The following TC2N variants were observed in gnomAD, a reference collection of about 807,000 sequenced individuals.
TC2N encodes tandem C2 domains nuclear protein.
A neutral mutation model predicts 61.9 loss-of-function variants in TC2N; 51 were observed. The ratio of observed to expected loss-of-function variants is 0.82; its 90% CI spans 0.66 to 1.04. The LOEUF (loss-of-function observed/expected upper bound fraction) is 1.04. Ranked by LOEUF, TC2N falls within the 50% of genes least tolerant of loss-of-function variation. The pLI is 0.00. For synonymous variants in TC2N, 204 were observed against 192.6 expected (o/e 1.06, Z -0.49); for missense variants, 556 against 566.7 (o/e 0.98, Z 0.19).
chr14:91,783,062 G>T lies in TC2N; in HGVS notation c.*38C>A. On this transcript the variant is annotated 3_prime_UTR_variant, in exon 12 of 12. Transcript: ENST00000435962. The stretch of plus-strand genomic sequence containing the variant: ...AATTGAAATCATAAGTCTTCTAAAA[G>T]AATGTCAAGTTCTTCACCAAATTAA... 1 of 1,307,920 alleles carries T rather than the reference G, an allele frequency of 7.6e-7. No individual in the cohort carries two copies. The highest frequency in any genetic ancestry group is 1.1e-6 in the Non-Finnish European group (1 of 909,402). The allele number at this position is 1,307,920 out of a possible 1,614,324, so 81.0% of individuals were successfully genotyped here. A position where few individuals can be genotyped will look rare whatever the true frequency, so the allele number is the denominator to read the frequency against.
At chr14:91,784,487 G>A (rs1347033447) in intron 11 of TC2N, among the ~76,000 whole-genome samples, 5 of 152,086 alleles carry the variant, frequency 3.3e-5, no homozygotes, top group Non-Finnish European at 7.4e-5. Context: ...ATCTTGTCAA[G>A]TTGAAGCTTT....
chr14:91,850,049 CAAA>C (rs34245812), intron 1 of TC2N, among the ~76,000 whole-genome samples: 5,578 of 118,132 alleles, frequency 0.047, 313 homozygotes, highest in African/African-American at 0.14. Context: ...AACTCCATCT[CAAA>C]AAAAAAAAAA....
chr14:91,805,370 A>G (rs1886461046), intron 3 of TC2N, among the ~76,000 whole-genome samples: 1 of 152,252 alleles, frequency 6.6e-6, no homozygotes, highest in Non-Finnish European at 1.5e-5. Context: ...AAAAGTTTTA[A>G]AATATTTAAA....
At chr14:91,861,559 A>G (rs1272536751) in intron 1 of TC2N, among the ~76,000 whole-genome samples, 1 of 152,164 alleles carries the variant, frequency 6.6e-6, no homozygotes, top group Non-Finnish European at 1.5e-5. Context: ...AAGAAGAGAG[A>G]GAAGAGAGGC....
chr14:91,798,846 ATAGTTT>A (rs1214136364), intron 6 of TC2N, 137 bp downstream of exon 6: 1 of 582,940 alleles, frequency 1.7e-6, no homozygotes, highest in Non-Finnish European at 2.9e-6. Flanking sequence ...CACTACCAAC[ATAGTTT>A]TATTTAGACT....
rs550500080 is a variant in TC2N, at chr14:91,790,806, A to G, written c.1047+1561T>C. Among the ~76,000 whole-genome samples, 4 of 152,238 alleles carry G rather than the reference A, an allele frequency of 2.6e-5. No individual in the cohort carries two copies. In the East Asian group the frequency reaches 7.7e-4, roughly 29 times the overall value. ...CCAGTGACAAACTCCTGTCATAGTT[A>G]CAGAACAGCACATTGGGGGTTGAGA... On this transcript the variant is annotated intron_variant, in intron 9 of 11. Transcript: ENST00000435962.
At chr14:91,815,934 G>A (rs1886984126) in intron 1 of TC2N, among the ~76,000 whole-genome samples, 1 of 151,672 alleles carries the variant, frequency 6.6e-6, no homozygotes, top group Non-Finnish European at 1.5e-5. Flanking sequence ...AACCATAATA[G>A]TATTATCATG....
At chr14:91,804,861 T>G (rs1297926494) in intron 3 of TC2N, among the ~76,000 whole-genome samples, 4 of 152,214 alleles carry the variant, frequency 2.6e-5, no homozygotes, top group Non-Finnish European at 5.9e-5. Context: ...ACTCTATGTC[T>G]TTACCTAGGC....
rs765263748 is a variant in TC2N at position 91,787,638 on chromosome 14, A to G, written c.1048-11T>C. The G allele has an allele frequency of 1.3e-6, 2 of 1,497,290 alleles. No individual in the cohort carries two copies. Among genetic ancestry groups the G allele is most frequent in the East Asian group, 4.5e-5 (2 of 44,024 alleles). The allele number at this position is 1,497,290 out of a possible 1,614,324, so 92.8% of individuals were successfully genotyped here. ...TTCTGCATGGCAAACCTGCATATCA[A>G]AAAAGTGTCATTTGGTAGTTAAGAA... On this transcript the variant is annotated splice_polypyrimidine_tract_variant and intron_variant, in intron 9 of 11. Transcript: ENST00000435962.
intron 9 of TC2N, among the ~76,000 whole-genome samples, chr14:91,789,261 T>C (rs754987085): frequency 5.9e-5 from 9 of 151,648 alleles, no homozygotes; most frequent in Non-Finnish European, 1.2e-4. Context: ...ATTCAATTCA[T>C]GTTCCAGGAC....
intron 1 of TC2N, among the ~76,000 whole-genome samples, chr14:91,829,738 G>A (rs1046211118): frequency 1.3e-5 from 2 of 152,022 alleles, no homozygotes; most frequent in South Asian, 2.1e-4. Context: ...TGTACAGCTG[G>A]TTATCTTTGA....
chr14:91,861,237 A>G (rs534600466), intron 1 of TC2N, among the ~76,000 whole-genome samples: 1 of 152,338 alleles, frequency 6.6e-6, no homozygotes, highest in South Asian at 2.1e-4. Flanking sequence ...GCCACAAGAA[A>G]GTACCATGTT....
intron 1 of TC2N, among the ~76,000 whole-genome samples, chr14:91,835,350 A>T (rs1887954482): frequency 6.6e-6 from 1 of 152,238 alleles, no homozygotes; most frequent in African/African-American, 2.4e-5. Context: ...TCAAAATATG[A>T]AACTGGTAAA....
intron 11 of TC2N, among the ~76,000 whole-genome samples, chr14:91,784,225 A>C (rs1405720625): frequency 6.6e-6 from 1 of 152,164 alleles, no homozygotes; most frequent in Admixed American, 6.5e-5. Flanking sequence ...TTCCATTCAT[A>C]CCGTTAAGTT....
chr14:91,829,648 G>A (rs888988627), intron 1 of TC2N, among the ~76,000 whole-genome samples: 6 of 152,048 alleles, frequency 3.9e-5, no homozygotes, highest in African/African-American at 1.4e-4. Context: ...AATGATCTAT[G>A]ACTGGTTTTT....
At position 91,785,354 on chromosome 14, in the gene TC2N, G is replaced by A. The variant is rs776984565; in HGVS notation, c.1170C>T (p.Phe390=). ...SSSTPLTLSF[F]VKVGMFSSGE... Reference sequence around the variant, plus strand: ...CCGAGCTAAACATTCCCACCTTCACGAAAAAACCTAAAAAATTAGAAATAT... The same window carrying A: ...CCGAGCTAAACATTCCCACCTTCACAAAAAAACCTAAAAAATTAGAAATAT... Residue 390 remains phenylalanine (F), a synonymous_variant, in exon 11 of 12, where the codon TTC becomes TTT. Coordinates refer to ENST00000435962, the MANE Select transcript of TC2N (RefSeq NM_001128596.3). 6.8e-6 allele frequency: 11 copies of A among 1,609,778 alleles called. No individual in the cohort carries two copies. The highest frequency in any genetic ancestry group is 2.2e-5 in the East Asian group (1 of 44,764).
At chr14:91,863,095 G>A (rs1215854760) in intron 1 of TC2N, among the ~76,000 whole-genome samples, 1 of 152,258 alleles carries the variant, frequency 6.6e-6, no homozygotes, top group Non-Finnish European at 1.5e-5. Context: ...AGAAAGACTG[G>A]CTGTGTGGAA....
chr14:91,839,806 C>T (rs1321425232), intron 1 of TC2N, among the ~76,000 whole-genome samples: 1 of 152,124 alleles, frequency 6.6e-6, no homozygotes, highest in Non-Finnish European at 1.5e-5. Context: ...TTTCTGAGTG[C>T]CTGCCATGTA....
At chr14:91,823,293 G>T (rs1293716023) in intron 1 of TC2N, among the ~76,000 whole-genome samples, 1 of 151,852 alleles carries the variant, frequency 6.6e-6, no homozygotes, top group East Asian at 2.0e-4. Flanking sequence ...GGCCAAGGCG[G>T]GTGGATCACC....
Sources: gnomAD v4.1 joint callset for allele counts (sites outside exome capture counted in the v4.1 genomes callset) on GRCh38, gnomAD v4.1.1 for gene constraint, MANE v1.5 for transcripts, NCBI Gene and HGNC (gene_info 2026-07-23, HGNC 2026-07-21) for gene names.